SULT2B1: variants seen among roughly 807,000 people sequenced by gnomAD.
SULT2B1 encodes the protein sulfotransferase 2B1.
Under a neutral mutation model 33.2 loss-of-function variants are expected in SULT2B1, and 16 were observed. The ratio of observed to expected loss-of-function variants is 0.48; its 90% CI spans 0.33 to 0.73. The LOEUF is 0.73. Among genes scored for constraint, SULT2B1 ranks in the 30% least tolerant of loss-of-function variants. SULT2B1 has a pLI of 0.02. For synonymous variants in SULT2B1, 186 were observed against 200.5 expected, an observed-to-expected ratio of 0.93 and a Z score of 0.61; for missense variants, 500 against 506.0, an observed-to-expected ratio of 0.99 and a Z score of 0.11.
intron 2 of SULT2B1, among the ~76,000 whole-genome samples, chr19:48,579,582 T>TTTTTC (rs1202208834): frequency 7.1e-6 from 1 of 140,410 alleles, no homozygotes; most frequent in African/African-American, 2.7e-5. Flanking sequence ...GCGCCCGGCC[T>TTTTTC]TTTTCTTTTC....
At chr19:48,584,803 C>A (rs1231696837) in intron 2 of SULT2B1, among the ~76,000 whole-genome samples, 1 of 152,106 alleles carries the variant, frequency 6.6e-6, no homozygotes, top group Admixed American at 6.6e-5. Flanking sequence ...ATAATCCCAG[C>A]ACTTTGGGAG....
At chr19:48,579,040 A>ATTTTTCTAT (rs1226067153) in intron 2 of SULT2B1, among the ~76,000 whole-genome samples, 1 of 150,016 alleles carries the variant, frequency 6.7e-6, no homozygotes, top group Non-Finnish European at 1.5e-5. Flanking sequence ...TATTTTGGGC[A>ATTTTTCTAT]TTTCATGGAA....
In SULT2B1 at chr19:48,552,356, T is replaced by C. The variant is rs765861499; in HGVS notation, c.71+33T>C. On this transcript the variant is annotated intron_variant, in intron 1 of 6. Coordinates refer to ENST00000201586, the MANE Select transcript of SULT2B1 (RefSeq NM_177973.2). The surrounding 1 kb of genome is among the most constrained non-coding windows in gnomAD (Gnocchi z 4.8). ...CCAGACCTGGGCAGGAGCCAGGAGATCCCAGGGAGGAGGTGGCTGTTTGGG... is the reference window on the plus strand; with the variant it reads ...CCAGACCTGGGCAGGAGCCAGGAGACCCCAGGGAGGAGGTGGCTGTTTGGG... 6.2e-7 allele frequency: 1 copy of C among 1,609,276 alleles called. No homozygotes were observed. Among genetic ancestry groups the C allele is most frequent in the African/African-American group, 1.3e-5 (1 of 74,770 alleles).
At position 48,587,451 on chromosome 19, in the gene SULT2B1, G is replaced by C; in HGVS notation, c.423+14G>C. 1 of 1,614,020 alleles carries C rather than the reference G, an allele frequency of 6.2e-7. No homozygotes were observed. The highest frequency in any genetic ancestry group is 8.5e-7 in the Non-Finnish European group (1 of 1,179,928). On this transcript the variant is annotated intron_variant, in intron 3 of 6. Transcript: ENST00000201586. ...TCCAAGGCCAAGGTTGGGAGGAGGG[G>C]TGTGTGTCAGTTGGGAGGGGCTGCA... is the stretch of plus-strand genomic sequence containing the variant.
At chr19:48,560,650 A>G (rs996024604) in intron 1 of SULT2B1, among the ~76,000 whole-genome samples, 24 of 152,178 alleles carry the variant, frequency 1.6e-4, no homozygotes, top group Non-Finnish European at 2.5e-4. Flanking sequence ...TCATTTCCAC[A>G]TATAGTCAAT....
At chr19:48,591,861 TAG>T in intron 4 of SULT2B1, 126 bp downstream of exon 4, 1 of 1,177,200 alleles carries the variant, frequency 8.5e-7, no homozygotes, top group Non-Finnish European at 1.1e-6. Flanking sequence ...AAAGGGGCAA[TAG>T]AGACAGAGAG....
intron 2 of SULT2B1, among the ~76,000 whole-genome samples, chr19:48,585,297 A>G (rs1260109581): frequency 6.6e-6 from 1 of 152,140 alleles, no homozygotes; most frequent in Non-Finnish European, 1.5e-5. Context: ...GTCTCCTGAA[A>G]TTCAAAACTG....
chr19:48,582,476 A>T (rs2544784), intron 2 of SULT2B1, among the ~76,000 whole-genome samples: 34,224 of 151,972 alleles, frequency 0.23, 4,972 homozygotes, highest in African/African-American at 0.42. Flanking sequence ...TATCTGGACA[A>T]AGAATTGCTT....
At chr19:48,584,242 A>G (rs549422218) in intron 2 of SULT2B1, among the ~76,000 whole-genome samples, 1 of 152,312 alleles carries the variant, frequency 6.6e-6, no homozygotes, top group Admixed American at 6.5e-5. Flanking sequence ...GGCTCCCCAC[A>G]CAAGATTAGA....
intron 1 of SULT2B1, among the ~76,000 whole-genome samples, chr19:48,574,924 GAACA>G (rs966545233): frequency 2.0e-5 from 3 of 152,100 alleles, no homozygotes; most frequent in African/African-American, 7.2e-5. Flanking sequence ...TGACATCACT[GAACA>G]AACAAAGTAA....
chr19:48,561,294 GGCACA>G (rs1308453397), intron 1 of SULT2B1, among the ~76,000 whole-genome samples: 2 of 151,728 alleles, frequency 1.3e-5, no homozygotes, highest in African/African-American at 4.8e-5. Context: ...TGGTCGTGGT[GGCACA>G]TGCCTGTAAT....
chr19:48,576,030 A>G lies in SULT2B1; in HGVS notation c.161A>G (p.Asn54Ser). 1 of 1,613,884 alleles carries G rather than the reference A, an allele frequency of 6.2e-7. No individual in the cohort carries two copies. The highest frequency in any genetic ancestry group is 8.5e-7 in the Non-Finnish European group (1 of 1,179,948). The change falls in exon 2 of 7, where the codon AAC becomes AGC. Residue 54 changes from asparagine (N) to serine (S), a missense_variant. Transcript: ENST00000201586. The stretch of plus-strand genomic sequence containing the variant: ...CTCGAGAGCATCAGCTTGGCGGAGA[A>G]CACCCAAGATGTGCGGGACGACGAC... ...YSLESISLAE[N>S]TQDVRDDDIF...
chr19:48,562,661 A>C (rs1322213988), intron 1 of SULT2B1, among the ~76,000 whole-genome samples: 1 of 152,026 alleles, frequency 6.6e-6, no homozygotes, highest in Non-Finnish European at 1.5e-5. Context: ...GGATATATGC[A>C]ATATTTATAT....
chr19:48,573,280 G>C (rs1473511736), intron 1 of SULT2B1, among the ~76,000 whole-genome samples: 3 of 152,038 alleles, frequency 2.0e-5, no homozygotes, highest in Non-Finnish European at 4.4e-5. Context: ...GAGGAGCTCT[G>C]TCTGCTGTCC....
At chr19:48,568,093 G>A (rs182170338) in intron 1 of SULT2B1, among the ~76,000 whole-genome samples, 217 of 151,918 alleles carry the variant, frequency 1.4e-3, no homozygotes, top group African/African-American at 4.9e-3. Flanking sequence ...GCAACATAGC[G>A]AGACCCCTGT....
At chr19:48,560,620 TATCTA>T (rs1476910447) in intron 1 of SULT2B1, among the ~76,000 whole-genome samples, 8 of 152,168 alleles carry the variant, frequency 5.3e-5, no homozygotes, top group African/African-American at 1.9e-4. Flanking sequence ...TTTAATCACA[TATCTA>T]ATCTATCTGA....
chr19:48,587,145 A>C, intron 2 of SULT2B1, 84 bp from the exon 3 acceptor site: 1 of 1,024,174 alleles, frequency 9.8e-7, no homozygotes. Context: ...AAATTGCTCA[A>C]TAAGTGCTGT....
chr19:48,558,086 C>T (rs374209315), intron 1 of SULT2B1, among the ~76,000 whole-genome samples: 1 of 152,142 alleles, frequency 6.6e-6, no homozygotes, highest in Non-Finnish European at 1.5e-5. Context: ...TGAGTGCTGT[C>T]TGTATTACCT....
At chr19:48,596,555 A>G in intron 5 of SULT2B1, 184 bp from the exon 6 acceptor site, 1 of 620,876 alleles carries the variant, frequency 1.6e-6, no homozygotes, top group Non-Finnish European at 2.7e-6. Flanking sequence ...CAAAGACAGA[A>G]ACTGCAAAAA....
Sources: gnomAD v4.1 joint callset for allele counts (sites outside exome capture counted in the v4.1 genomes callset) on GRCh38, gnomAD v4.1.1 for gene constraint, Gnocchi (gnomAD v3.1) non-coding constraint, MANE v1.5 for transcripts, NCBI Gene and HGNC (gene_info 2026-07-23, HGNC 2026-07-21) for gene names.